Variants in ZNF816 observed in about 807,000 individuals in gnomAD.
The protein encoded by ZNF816 is zinc finger protein 816, also known as zinc finger protein 816A.
ZNF816 carries 11 observed loss-of-function variants against 8.3 expected under a neutral mutation model. The ratio of observed to expected loss-of-function variants is 1.32; its 90% CI spans 0.83 to 2.19. The LOEUF is 2.19. ZNF816 is among the 30% of genes most tolerant of loss of function. ZNF816 has a pLI of 0.00. For missense variants in ZNF816, 710 were observed against 779.3 expected, an observed-to-expected ratio of 0.91 and a Z score of 1.06; for synonymous variants, 255 against 254.5, an observed-to-expected ratio of 1.00 and a Z score of -0.02.
intron 2 of ZNF816, among the ~76,000 whole-genome samples, chr19:52,954,099 G>A (rs981694864): frequency 4.7e-5 from 7 of 148,924 alleles, no homozygotes; most frequent in African/African-American, 1.0e-4. Context: ...TACATAAACC[G>A]TGGGATTGGC....
chr19:52,953,109 T>G (rs2083473776), intron 2 of ZNF816, among the ~76,000 whole-genome samples: 1 of 151,824 alleles, frequency 6.6e-6, no homozygotes, highest in Admixed American at 6.6e-5. Flanking sequence ...TTATGGACAA[T>G]ATAAGGCCAG....
chr19:52,958,502 C>A (rs2083529191), intron 1 of ZNF816, among the ~76,000 whole-genome samples: 1 of 152,138 alleles, frequency 6.6e-6, no homozygotes, highest in African/African-American at 2.4e-5. Context: ...GGCTCGGGAC[C>A]TCCAGAAGTT....
chr19:52,958,765 T>C (rs1455909316), intron 1 of ZNF816, among the ~76,000 whole-genome samples: 1 of 152,158 alleles, frequency 6.6e-6, no homozygotes, highest in Admixed American at 6.5e-5. Flanking sequence ...TACTGAAGCC[T>C]AAGACCAGAA....
intron 1 of ZNF816, 40 bp from the exon 2 acceptor site, chr19:52,956,144 C>A: frequency 6.3e-7 from 1 of 1,582,580 alleles, no homozygotes; most frequent in South Asian, 1.1e-5. Context: ...ATTTAGAAAC[C>A]ATTGACTCCT....
rs147273393 is a variant in ZNF816 at position 52,959,945 on chromosome 19, AAAG to A, written c.-16+2779_-16+2781del. 4.4e-3 allele frequency: 668 copies of A among 153,136 alleles called. 8 individuals are homozygous for A. Among genetic ancestry groups the A allele is most frequent in the African/African-American group, 0.015 (629 of 41,534 alleles). The allele number at this position is 153,136 out of a possible 1,614,324, so 9.5% of individuals were successfully genotyped here. A position where few individuals can be genotyped will look rare whatever the true frequency, so the allele number is the denominator to read the frequency against. On this transcript the variant is annotated intron_variant, in intron 1 of 3. Transcript: ENST00000444460. Reference sequence around the variant, plus strand: ...ACCTGACCTTGTACCTACTTATTCTAAAGAAGAAAAAGACTTTCTCCAGGCAGA... The same window carrying A: ...ACCTGACCTTGTACCTACTTATTCTAAAGAAAAAGACTTTCTCCAGGCAGA...
chr19:52,960,615 G>A (rs560651603), intron 1 of ZNF816, among the ~76,000 whole-genome samples: 47 of 152,300 alleles, frequency 3.1e-4, no homozygotes, highest in Middle Eastern at 6.8e-3. Context: ...AGGTAAATGA[G>A]AGATGCCCCA....
intron 1 of ZNF816, among the ~76,000 whole-genome samples, chr19:52,958,584 T>C (rs773424398): frequency 2.6e-5 from 4 of 152,176 alleles, no homozygotes; most frequent in Admixed American, 6.5e-5. Flanking sequence ...CCCATGGCAG[T>C]TGAGTGTGCC....
In ZNF816 at chr19:52,950,911, A is replaced by G; in HGVS notation, c.864T>C (p.Asn288=). 1 of 1,614,196 alleles carries G rather than the reference A, an allele frequency of 6.2e-7. No homozygotes were observed. Among genetic ancestry groups the G allele is most frequent in the Non-Finnish European group, 8.5e-7 (1 of 1,180,022 alleles). The change falls in exon 4 of 4, where the codon AAT becomes AAC. Residue 288 remains asparagine, a synonymous_variant. Transcript: ENST00000444460. ...TCTGAGTGAAGGTCTTCCCACACTC[A>G]TTACACTTGTAAGTTTTCTCACCAG... ...CHTGEKTYKC[N]ECGKTFTQMS...
At chr19:52,961,865 G>A (rs1007293859) in intron 1 of ZNF816, among the ~76,000 whole-genome samples, 1 of 152,170 alleles carries the variant, frequency 6.6e-6, no homozygotes, top group African/African-American at 2.4e-5. Flanking sequence ...CCGAGAGTTG[G>A]TGCCCACTGA....
chr19:52,954,360 C>CA lies in ZNF816; in HGVS notation c.64-1484dup, dbSNP rs1404909299. On this transcript the variant is annotated intron_variant, in intron 2 of 3. Transcript: ENST00000444460. ...GGGCCACAAGAATGAAACTCCGTCT[C>CA]AAAAAAAACAAACAAACAACAACAA... is the stretch of plus-strand genomic sequence containing the variant. 4.0e-5 allele frequency among the ~76,000 whole-genome samples: 6 copies of CA among 148,466 alleles called. No homozygotes were observed. In the South Asian group the frequency reaches 6.3e-4, roughly 16 times the overall value.
intron 1 of ZNF816, among the ~76,000 whole-genome samples, chr19:52,961,350 G>C (rs1453472379): frequency 6.6e-6 from 1 of 152,190 alleles, no homozygotes; most frequent in African/African-American, 2.4e-5. Context: ...AACAAGCTCA[G>C]ATTAAGATGT....
At chr19:52,960,700 G>C (rs762390892) in intron 1 of ZNF816, among the ~76,000 whole-genome samples, 2 of 151,970 alleles carry the variant, frequency 1.3e-5, no homozygotes, top group Non-Finnish European at 2.9e-5. Flanking sequence ...CGTAGCCCCT[G>C]TGTGCCCCCA....
chr19:52,956,209 C>G (rs1600724392), intron 1 of ZNF816, 105 bp from the exon 2 acceptor site: 1 of 1,275,244 alleles, frequency 7.8e-7, no homozygotes, highest in South Asian at 1.5e-5. Flanking sequence ...AAAGATGGTC[C>G]TTTGCTACCC....
chr19:52,949,786 G>C lies in ZNF816; in HGVS notation c.*33C>G. ...ATGGATTCTGTAATGATTTGCAATG[G>C]TTGTAGCATTACTGAAGACTTTGTG... is the stretch of plus-strand genomic sequence containing the variant. On this transcript the variant is annotated 3_prime_UTR_variant, in exon 4 of 4. Coordinates refer to ENST00000444460, the MANE Select transcript of ZNF816 (RefSeq NM_001202457.3). 6.2e-7 allele frequency: 1 copy of C among 1,612,530 alleles called. No homozygotes were observed. Among genetic ancestry groups the C allele is most frequent in the Non-Finnish European group, 8.5e-7 (1 of 1,179,074 alleles).
rs755269117 is a variant in ZNF816, at chr19:52,950,538, CA to C, written c.1236del (p.Glu413LysfsTer281). ...CCAGTATGAATCTTCCTATGTCTTTCAAGGTGTGATCTGCGAATGTAAACAT... is the reference window on the plus strand; with the variant it reads ...CCAGTATGAATCTTCCTATGTCTTTCAGGTGTGATCTGCGAATGTAAACAT... The part of the protein sequence containing the change: ...CDNVYIRRSH[L>X]ERHRKIHTGE... On this transcript the variant is annotated frameshift_variant, in exon 4 of 4. Transcript: ENST00000444460. LOFTEE classifies it low-confidence loss of function (END_TRUNC). 2 of 1,613,700 alleles carry C rather than the reference CA, an allele frequency of 1.2e-6. No homozygotes were observed. The highest frequency in any genetic ancestry group is 1.7e-6 in the Non-Finnish European group (2 of 1,179,736).
At chr19:52,953,963 C>T (rs1019477319) in intron 2 of ZNF816, among the ~76,000 whole-genome samples, 10 of 143,862 alleles carry the variant, frequency 7.0e-5, no homozygotes, top group African/African-American at 2.7e-4. Flanking sequence ...ATCGCCTGAA[C>T]TCTGGAAGCA....
In ZNF816 at chr19:52,951,047, A is replaced by G. The variant is rs143280348; in HGVS notation, c.728T>C (p.Leu243Pro). 4.3e-6 allele frequency: 7 copies of G among 1,613,820 alleles called. No individual in the cohort carries two copies. Among genetic ancestry groups the G allele is most frequent in the Middle Eastern group, 1.6e-4 (1 of 6,084 alleles). ...ATGGGTTATGTGGTGTCTCCTTAAG[A>G]GTGAGCTATAATTAAAGGCTTTGCC... ...ECGKAFNYSS[L>P]LRRHHITHSR... is the part of the protein sequence containing the mutation. The change falls in exon 4 of 4, where the codon CTC (leucine) becomes CCC (proline). Residue 243 changes from leucine to proline, a missense_variant. Transcript: ENST00000444460.
At position 52,951,294 on chromosome 19, in the gene ZNF816, G is replaced by A. The variant is rs369740518; in HGVS notation, c.481C>T (p.His161Tyr). The change falls in exon 4 of 4, where the codon CAT (histidine) becomes TAT (tyrosine). Residue 161 changes from histidine (H) to tyrosine (Y), a missense_variant. Physicochemically the swap from His to Tyr is moderately conservative, Grantham distance 83. Coordinates refer to ENST00000444460, the MANE Select transcript of ZNF816 (RefSeq NM_001202457.3). ...PIKDQLGLSF[H>Y]SHLPELHMFQ... ...ATGTGGAGTTCAGGCAGATGCGAATGAAAGCTTAATCCAAGCTGATCTTTA... is the reference window on the plus strand; with the variant it reads ...ATGTGGAGTTCAGGCAGATGCGAATAAAAGCTTAATCCAAGCTGATCTTTA... 21 of 1,614,088 alleles carry A rather than the reference G, an allele frequency of 1.3e-5. No homozygotes were observed. The highest frequency in any genetic ancestry group is 1.8e-5 in the Non-Finnish European group (21 of 1,180,046).
chr19:52,956,174 A>C (rs776302017), intron 1 of ZNF816, 70 bp from the exon 2 acceptor site: 8 of 1,517,024 alleles, frequency 5.3e-6, no homozygotes, highest in Non-Finnish European at 7.1e-6. Context: ...CAAAACACAC[A>C]CACAGGGGAA....
Sources: allele counts gnomAD v4.1 joint callset (sites outside exome capture counted in the v4.1 genomes callset), GRCh38; gene constraint gnomAD v4.1.1; transcripts MANE v1.5; gene names NCBI Gene and HGNC (gene_info 2026-07-23, HGNC 2026-07-21).